The following FERMT1 variants were observed in gnomAD, a reference collection of about 807,000 sequenced individuals.
The protein encoded by FERMT1 is FERM domain containing kindlin 1.
Under a neutral mutation model 85.3 loss-of-function variants are expected in FERMT1, and 60 were observed. The observed-to-expected ratio is 0.70, with a 90% CI of 0.57 to 0.87. The LOEUF is 0.87. Ranked by LOEUF, FERMT1 falls within the 40% of genes least tolerant of loss-of-function variation. The pLI, the probability that FERMT1 is intolerant of heterozygous loss-of-function variation, is 0.00. For missense variants in FERMT1, 701 were observed against 818.9 expected, an observed-to-expected ratio of 0.86 and a Z score of 1.76; for synonymous variants, 275 against 301.1, an observed-to-expected ratio of 0.91 and a Z score of 0.90.
At chr20:6,077,478 C>A (rs939487996) in intron 14 of FERMT1, 132 bp from the exon 15 acceptor site, 1 of 820,102 alleles carries the variant, frequency 1.2e-6, no homozygotes, top group Middle Eastern at 3.4e-4. Context: ...CTAAAACACA[C>A]AGAAAACCAT....
intron 3 of FERMT1, among the ~76,000 whole-genome samples, chr20:6,113,713 C>A (rs949302371): frequency 6.6e-6 from 1 of 152,190 alleles, no homozygotes; most frequent in Admixed American, 6.5e-5. Context: ...GCATAAACAT[C>A]CTTACCCTGA....
intron 6 of FERMT1, among the ~76,000 whole-genome samples, chr20:6,107,199 C>CAAAAA (rs59180891): frequency 1.3e-4 from 12 of 92,650 alleles, no homozygotes; most frequent in East Asian, 3.4e-4. Context: ...CTGTCTCAAC[C>CAAAAA]AAAAAAAAAA....
chr20:6,108,905 G>A (rs6085405), intron 5 of FERMT1, among the ~76,000 whole-genome samples: 40,036 of 151,806 alleles, frequency 0.26, 5,626 homozygotes, highest in South Asian at 0.44. Context: ...TTACCAGATG[G>A]TTTGCCCCAA....
At chr20:6,111,578 G>A (rs1230919225) in intron 4 of FERMT1, among the ~76,000 whole-genome samples, 1 of 152,108 alleles carries the variant, frequency 6.6e-6, no homozygotes, top group Non-Finnish European at 1.5e-5. Context: ...GCTGCAATGA[G>A]CCGAGATTGT....
intron 13 of FERMT1, among the ~76,000 whole-genome samples, chr20:6,083,201 T>C (rs1004376711): frequency 4.6e-5 from 7 of 152,242 alleles, no homozygotes; most frequent in Non-Finnish European, 1.0e-4. Flanking sequence ...CTTGTGGATA[T>C]GTTTTGGGAA....
At chr20:6,119,276 G>T in intron 2 of FERMT1, 128 bp downstream of exon 2, 1 of 968,000 alleles carries the variant, frequency 1.0e-6, no homozygotes, top group Non-Finnish European at 1.6e-6. Flanking sequence ...CCTCTGGGAT[G>T]AGGGGTGGGG....
intron 4 of FERMT1, among the ~76,000 whole-genome samples, chr20:6,111,527 G>A (rs1169424783): frequency 6.6e-6 from 1 of 152,118 alleles, no homozygotes; most frequent in East Asian, 1.9e-4. Flanking sequence ...AGCTACTCAG[G>A]AGGCTGAGGC....
intron 3 of FERMT1, among the ~76,000 whole-genome samples, chr20:6,114,082 A>T (rs1983034346): frequency 6.6e-6 from 1 of 152,064 alleles, no homozygotes; most frequent in Admixed American, 6.5e-5. Flanking sequence ...TTCTCTCATC[A>T]TTTCGTTCAT....
At chr20:6,122,030 T>A (rs1230982364) in intron 1 of FERMT1, among the ~76,000 whole-genome samples, 3 of 152,240 alleles carry the variant, frequency 2.0e-5, no homozygotes, top group African/African-American at 7.2e-5. Context: ...ATGTTTTGTA[T>A]ATAAAGAAAA....
At chr20:6,108,830 A>G (rs1241679125) in intron 5 of FERMT1, among the ~76,000 whole-genome samples, 3 of 150,240 alleles carry the variant, frequency 2.0e-5, no homozygotes, top group South Asian at 4.2e-4. Context: ...AAAAAAAGTC[A>G]CAGGCTTGGT....
At chr20:6,091,267 T>C (rs1422286191) in intron 9 of FERMT1, among the ~76,000 whole-genome samples, 1 of 151,586 alleles carries the variant, frequency 6.6e-6, no homozygotes, top group African/African-American at 2.4e-5. Flanking sequence ...TCTTGCTCTG[T>C]CACCCAGGCT....
chr20:6,076,199 G>C lies in FERMT1; in HGVS notation c.*974C>G. Reference sequence around the variant, plus strand: ...TAAAGCCCCTGTGGGGGCAGCCAGTGGGGAGCTGTCAGACCTTGGACATGG... The same window carrying C: ...TAAAGCCCCTGTGGGGGCAGCCAGTCGGGAGCTGTCAGACCTTGGACATGG... On this transcript the variant is annotated 3_prime_UTR_variant, in exon 15 of 15. Transcript: ENST00000217289. 1 of 301,844 alleles carries C rather than the reference G, an allele frequency of 3.3e-6. No homozygotes were observed. Among genetic ancestry groups the C allele is most frequent in the Non-Finnish European group, 6.6e-6 (1 of 151,960 alleles). 18.7% of individuals were successfully genotyped at this position (301,844 alleles called of 1,614,324 possible).
chr20:6,089,024 G>T lies in FERMT1; in HGVS notation c.1205C>A (p.Ala402Glu). ...YWFIFKDTSI[A>E]YFKNKELEQG... ...TTCAAGTTCCTTATTTTTAAAGTAT[G>T]CTATGGATGTGTCTTTAAAGATAAA... Residue 402 changes from alanine to glutamate, a missense_variant, in exon 10 of 15, where the codon GCA becomes GAA. Ala to Glu is a moderately radical substitution (Grantham distance 107, BLOSUM62 -1). Coordinates refer to ENST00000217289, the MANE Select transcript of FERMT1 (RefSeq NM_017671.5). The T allele has an allele frequency of 6.2e-7, 1 of 1,609,900 alleles. No homozygotes were observed. The highest frequency in any genetic ancestry group is 8.5e-7 in the Non-Finnish European group (1 of 1,176,468).
At chr20:6,116,729 C>CAA (rs58183881) in intron 2 of FERMT1, among the ~76,000 whole-genome samples, 5,490 of 140,840 alleles carry the variant, frequency 0.039, 353 homozygotes, top group African/African-American at 0.13. Flanking sequence ...ATCTCTGTCT[C>CAA]AAAAAAAAAA....
intron 1 of FERMT1, chr20:6,120,469 T>G (rs1475317930): frequency 6.6e-6 from 1 of 152,240 alleles, no homozygotes; most frequent in Non-Finnish European, 1.5e-5. Flanking sequence ...CGTTCACAAC[T>G]GAAATGTTTC....
chr20:6,105,328 GGA>G (rs1335993782), intron 6 of FERMT1, among the ~76,000 whole-genome samples: 1 of 152,134 alleles, frequency 6.6e-6, no homozygotes, highest in Non-Finnish European at 1.5e-5. Flanking sequence ...TCTCAGACTT[GGA>G]AGTTTGATTA....
chr20:6,095,445 TA>T (rs1238143808), intron 8 of FERMT1, among the ~76,000 whole-genome samples: 7 of 152,240 alleles, frequency 4.6e-5, no homozygotes. Context: ...TGACTACTTT[TA>T]TATGCAAACA....
At position 6,118,559 on chromosome 20, in the gene FERMT1, G is replaced by GA. The variant is rs567084923; in HGVS notation, c.151+844dup. Among the ~76,000 whole-genome samples, 271 of 150,214 alleles carry GA rather than the reference G, an allele frequency of 1.8e-3. 2 individuals are homozygous for GA. The highest frequency in any genetic ancestry group is 2.9e-3 in the Non-Finnish European group (195 of 67,504). ...TATTATATGTCAGTCAATAAGGACTGAAAAAAAAACTATCTTGCTAGAGCA... is the reference window on the plus strand; with the variant it reads ...TATTATATGTCAGTCAATAAGGACTGAAAAAAAAAACTATCTTGCTAGAGCA... On this transcript the variant is annotated intron_variant, in intron 2 of 14. Transcript: ENST00000217289.
At chr20:6,121,317 T>A (rs1983269214) in intron 1 of FERMT1, among the ~76,000 whole-genome samples, 1 of 152,058 alleles carries the variant, frequency 6.6e-6, no homozygotes, top group Non-Finnish European at 1.5e-5. Flanking sequence ...AGACAGGGTT[T>A]CACCATGCTG....
Sources: gnomAD v4.1 joint callset for allele counts (sites outside exome capture counted in the v4.1 genomes callset) on GRCh38, gnomAD v4.1.1 for gene constraint, MANE v1.5 for transcripts, NCBI Gene and HGNC (gene_info 2026-07-23, HGNC 2026-07-21) for gene names.